Variants in SMARCAL1 observed in about 807,000 individuals in gnomAD.
SMARCAL1 encodes SNF2 related chromatin remodeling annealing helicase 1, also known as ATP-driven annealing helicase.
Under a neutral mutation model 94.5 loss-of-function variants are expected in SMARCAL1, and 58 were observed. That is an observed-to-expected ratio of 0.61 (90% CI 0.50 to 0.76). SMARCAL1 has a LOEUF of 0.76. Ranked by LOEUF, SMARCAL1 falls within the 30% of genes least tolerant of loss-of-function variation. SMARCAL1 has a pLI of 0.00. For missense variants in SMARCAL1, 1,051 were observed against 1,177.9 expected, an observed-to-expected ratio of 0.89 and a Z score of 1.58; for synonymous variants, 422 against 455.1, an observed-to-expected ratio of 0.93 and a Z score of 0.93.
chr2:216,476,504 G>C (rs1435220745), intron 15 of SMARCAL1, among the ~76,000 whole-genome samples: 1 of 152,014 alleles, frequency 6.6e-6, no homozygotes, highest in African/African-American at 2.4e-5. Context: ...GTAGAGATGG[G>C]GTTTCACCAT....
chr2:216,430,939 A>G (rs933860463), intron 7 of SMARCAL1, among the ~76,000 whole-genome samples: 2 of 152,226 alleles, frequency 1.3e-5, no homozygotes, highest in African/African-American at 2.4e-5. Flanking sequence ...AGAAGATTTC[A>G]TAGAGGTGGG....
chr2:216,467,494 G>T (rs1027355296), intron 13 of SMARCAL1, among the ~76,000 whole-genome samples: 2 of 148,240 alleles, frequency 1.3e-5, no homozygotes, highest in African/African-American at 5.1e-5. Flanking sequence ...AAAAAAAAAG[G>T]GTGGGAAGCT....
intron 11 of SMARCAL1, among the ~76,000 whole-genome samples, chr2:216,448,936 A>C (rs1694380425): frequency 6.6e-6 from 1 of 152,222 alleles, no homozygotes; most frequent in African/African-American, 2.4e-5. Flanking sequence ...GGAGCATGCT[A>C]TCTGTCTTAG....
At chr2:216,468,854 G>A (rs1694892863) in intron 14 of SMARCAL1, among the ~76,000 whole-genome samples, 1 of 152,044 alleles carries the variant, frequency 6.6e-6, no homozygotes, top group Non-Finnish European at 1.5e-5. Flanking sequence ...CCAAGTAGCT[G>A]GGACTACACC....
intron 11 of SMARCAL1, among the ~76,000 whole-genome samples, chr2:216,449,091 TGGCAGAAG>T (rs1694384864): frequency 1.3e-5 from 2 of 152,194 alleles, no homozygotes; most frequent in Admixed American, 1.3e-4. Flanking sequence ...CTTCATAACA[TGGCAGAAG>T]GCATCATATG....
At chr2:216,462,141 GTGTT>G (rs1284805579) in intron 12 of SMARCAL1, among the ~76,000 whole-genome samples, 2 of 152,230 alleles carry the variant, frequency 1.3e-5, no homozygotes, top group Non-Finnish European at 2.9e-5. Context: ...TATAATAAAA[GTGTT>G]TGTTTCTTCA....
intron 17 of SMARCAL1, chr2:216,479,185 T>C (rs908562516): frequency 1.3e-5 from 2 of 152,246 alleles, no homozygotes; most frequent in African/African-American, 2.4e-5. Flanking sequence ...CCAGGAGAGT[T>C]TGAACCAGGT....
intron 10 of SMARCAL1, among the ~76,000 whole-genome samples, chr2:216,446,400 G>C (rs1466583908): frequency 6.6e-6 from 1 of 152,238 alleles, no homozygotes; most frequent in East Asian, 1.9e-4. Flanking sequence ...TTGTGAAGCT[G>C]AGTTAGTAAA....
rs901943868 is a variant in SMARCAL1 at position 216,482,607 on chromosome 2, C to A, written c.2626-131C>A. The A allele has an allele frequency of 1.4e-5, 18 of 1,290,026 alleles. No homozygotes were observed. The Admixed American group carries it at 2.8e-4, about 20-fold the overall frequency. 79.9% of individuals were successfully genotyped at this position (1,290,026 alleles called of 1,614,324 possible). ...TGCTGAGATGATGCACACTTGCCAT[C>A]GTGTAGCTCCCTGACACCATGAAAT... On this transcript the variant is annotated intron_variant, in intron 17 of 17. Coordinates refer to ENST00000357276, the MANE Select transcript of SMARCAL1 (RefSeq NM_014140.4). The surrounding 1 kb of genome is among the most constrained non-coding windows in gnomAD (Gnocchi z 4.3).
At chr2:216,466,084 T>A in intron 13 of SMARCAL1, among the ~76,000 whole-genome samples, 1 of 152,194 alleles carries the variant, frequency 6.6e-6, no homozygotes, top group East Asian at 1.9e-4. Flanking sequence ...CCATTTCTCA[T>A]GTGCTGTGGA....
chr2:216,427,978 G>A (rs1001856986), intron 6 of SMARCAL1, among the ~76,000 whole-genome samples: 1 of 152,206 alleles, frequency 6.6e-6, no homozygotes, highest in Non-Finnish European at 1.5e-5. Flanking sequence ...GGATACCGGA[G>A]GACGATTAGC....
Position 216,468,134 on chromosome 2 carries a change from A to G in SMARCAL1, c.2244+88A>G, listed in dbSNP as rs756369822. The G allele has an allele frequency of 5.2e-5, 45 of 862,826 alleles. No homozygotes were observed. The Middle Eastern group carries it at 1.1e-3, about 21-fold the overall frequency. The allele number at this position is 862,826 out of a possible 1,614,324, so 53.4% of individuals were successfully genotyped here. On this transcript the variant is annotated intron_variant, in intron 14 of 17. Transcript: ENST00000357276. ...GCTTAGGTCAGATCCAAGCAAAGTG[A>G]GACCGATGGCTTCCGGAAGCATTGC...
At chr2:216,432,162 C>T (rs187850272) in intron 7 of SMARCAL1, among the ~76,000 whole-genome samples, 40 of 152,214 alleles carry the variant, frequency 2.6e-4, no homozygotes, top group Admixed American at 1.5e-3. Flanking sequence ...GCTGGGACTA[C>T]GGGCATGTGC....
In SMARCAL1 at chr2:216,434,319, G is replaced by A. The variant is rs1694027706; in HGVS notation, c.1486-1019G>A. ...TGCCTGGGTGGGTTTGGCTAGAGAT[G>A]CTCAGATTGCCAGAGAGAGAAGGTA... On this transcript the variant is annotated intron_variant, in intron 8 of 17. Coordinates refer to ENST00000357276, the MANE Select transcript of SMARCAL1 (RefSeq NM_014140.4). Among the ~76,000 whole-genome samples, 3 of 152,142 alleles carry A rather than the reference G, an allele frequency of 2.0e-5. No homozygotes were observed. In the South Asian group the frequency reaches 6.2e-4, roughly 32 times the overall value.
In SMARCAL1 at chr2:216,428,115, G is replaced by A. The variant is rs554021423; in HGVS notation, c.1148-481G>A. On this transcript the variant is annotated intron_variant, in intron 6 of 17. Coordinates refer to ENST00000357276, the MANE Select transcript of SMARCAL1 (RefSeq NM_014140.4). ...TTCAAAGGAAAATTATAAAAGGGAAGAACATCCTGAAAGTGATAGCCTGCA... is the reference window on the plus strand; with the variant it reads ...TTCAAAGGAAAATTATAAAAGGGAAAAACATCCTGAAAGTGATAGCCTGCA... Among the ~76,000 whole-genome samples the A allele has an allele frequency of 2.0e-5, 3 of 152,276 alleles. No individual in the cohort carries two copies. The East Asian group carries it at 5.8e-4, about 29-fold the overall frequency.
intron 10 of SMARCAL1, among the ~76,000 whole-genome samples, chr2:216,441,877 G>C (rs539264945): frequency 1.3e-5 from 2 of 152,160 alleles, no homozygotes; most frequent in South Asian, 4.1e-4. Context: ...TTTTGGTTTA[G>C]TTTAGTTGTC....
At chr2:216,425,785 G>A (rs980089239) in intron 6 of SMARCAL1, among the ~76,000 whole-genome samples, 2 of 152,194 alleles carry the variant, frequency 1.3e-5, no homozygotes, top group Non-Finnish European at 2.9e-5. Context: ...GGGGGTGTGT[G>A]TGCTGATTGG....
chr2:216,450,856 G>A lies in SMARCAL1; in HGVS notation c.1862G>A (p.Gly621Glu), dbSNP rs771757909. The change falls in exon 12 of 18, where the codon GGG becomes GAG. Residue 621 changes from glycine (G) to glutamate (E), a missense_variant. By Grantham distance (98) the Gly-to-Glu change is moderately conservative. Coordinates refer to ENST00000357276, the MANE Select transcript of SMARCAL1 (RefSeq NM_014140.4). ...RYCDAKRMPW[G>E]WDYSGSSNLG... ...TCTTGTTCTCTGCAGATGCCTTGGG[G>A]GTGGGACTACTCAGGTTCCTCCAAC... 2 of 1,613,846 alleles carry A rather than the reference G, an allele frequency of 1.2e-6. No homozygotes were observed. Among genetic ancestry groups the A allele is most frequent in the Admixed American group, 1.7e-5 (1 of 60,032 alleles).
chr2:216,436,563 T>C (rs1352274550), intron 9 of SMARCAL1, among the ~76,000 whole-genome samples: 1 of 152,218 alleles, frequency 6.6e-6, no homozygotes, highest in Non-Finnish European at 1.5e-5. Flanking sequence ...ACTTGAGTGT[T>C]GATAGTTTTG....
Sources: gnomAD v4.1 joint callset for allele counts (sites outside exome capture counted in the v4.1 genomes callset) on GRCh38, gnomAD v4.1.1 for gene constraint, Gnocchi (gnomAD v3.1) non-coding constraint, MANE v1.5 for transcripts, NCBI Gene and HGNC (gene_info 2026-07-23, HGNC 2026-07-21) for gene names.